Variants in DGKI observed in about 807,000 individuals in gnomAD.
DGKI encodes the protein diacylglycerol kinase iota, also known as DAG kinase iota.
DGKI carries 55 observed loss-of-function variants against 147.5 expected under a neutral mutation model. That is an observed-to-expected ratio of 0.37 (90% CI 0.30 to 0.47). The LOEUF is 0.47. Ranked by LOEUF, DGKI falls within the 20% of genes least tolerant of loss-of-function variation. The pLI is 1.00. For missense variants in DGKI, 1,007 were observed against 1,323.8 expected, an observed-to-expected ratio of 0.76 and a Z score of 3.71; for synonymous variants, 469 against 477.1, an observed-to-expected ratio of 0.98 and a Z score of 0.22.
chr7:137,399,098 A>T (rs909602884), intron 30 of DGKI, among the ~76,000 whole-genome samples: 1 of 151,030 alleles, frequency 6.6e-6, no homozygotes, highest in Non-Finnish European at 1.5e-5. Context: ...ACAGCCACCT[A>T]TCTAAATCTG....
At chr7:137,839,216 A>C (rs1281058872) in intron 1 of DGKI, among the ~76,000 whole-genome samples, 2 of 152,326 alleles carry the variant, frequency 1.3e-5, no homozygotes, top group East Asian at 3.9e-4. Context: ...ACTAAGAAGC[A>C]GCTTTCTCCC....
chr7:137,528,531 T>C (rs1367620251), intron 20 of DGKI, among the ~76,000 whole-genome samples: 1 of 152,194 alleles, frequency 6.6e-6, no homozygotes, highest in African/African-American at 2.4e-5. Flanking sequence ...TCTTTTTTGA[T>C]GGAAGTTGAG....
chr7:137,575,179 G>T (rs910746355), intron 17 of DGKI, among the ~76,000 whole-genome samples: 1 of 152,166 alleles, frequency 6.6e-6, no homozygotes, highest in Non-Finnish European at 1.5e-5. Context: ...CCTAGCAAAG[G>T]TAGACCTAAC....
chr7:137,413,421 A>C (rs975099445), intron 28 of DGKI, among the ~76,000 whole-genome samples: 1 of 152,086 alleles, frequency 6.6e-6, no homozygotes, highest in African/African-American at 2.4e-5. Flanking sequence ...GAGGTTTTTC[A>C]GCCTTTGTCC....
At chr7:137,665,420 C>G (rs1168947512) in intron 3 of DGKI, among the ~76,000 whole-genome samples, 2 of 152,202 alleles carry the variant, frequency 1.3e-5, no homozygotes, top group Non-Finnish European at 2.9e-5. Context: ...CCTTGGGCAG[C>G]TTTGCTGTTC....
At chr7:137,767,251 A>G (rs187162906) in intron 1 of DGKI, among the ~76,000 whole-genome samples, 13 of 152,338 alleles carry the variant, frequency 8.5e-5, no homozygotes, top group African/African-American at 3.1e-4. Context: ...GGAAGAAAGA[A>G]CTGAAAAATA....
intron 26 of DGKI, 148 bp downstream of exon 26, chr7:137,465,760 C>T (rs1814629527): frequency 9.1e-7 from 1 of 1,096,450 alleles, no homozygotes; most frequent in South Asian, 1.8e-5. Context: ...ATAAGACAGA[C>T]TTATAATAAC....
In DGKI at chr7:137,587,178, C is replaced by T; in HGVS notation, c.1344G>A (p.Leu448=). ...CCACAGGAGGCTGAGGGCTCAGCTG[C>T]AGTTCATCCAGGATGGAAAGGATCC... ...VGWILSILDE[L]QLSPQPPVGV... Residue 448 remains leucine, a synonymous_variant, in exon 13 of 33, where the codon CTG becomes CTA. Coordinates refer to ENST00000614521, the MANE Select transcript of DGKI (RefSeq NM_001321708.2). The T allele has an allele frequency of 6.2e-7, 1 of 1,613,094 alleles. No individual in the cohort carries two copies. The highest frequency in any genetic ancestry group is 8.5e-7 in the Non-Finnish European group (1 of 1,179,642).
chr7:137,615,796 GT>G (rs565650936), intron 8 of DGKI, among the ~76,000 whole-genome samples: 5 of 152,046 alleles, frequency 3.3e-5, no homozygotes, highest in Admixed American at 2.0e-4. Context: ...CTTCCTCGTG[GT>G]TTTTTTATGT....
chr7:137,675,683 CAA>C lies in DGKI; in HGVS notation c.606+2872_606+2873del, dbSNP rs61282606. 7.0e-3 allele frequency among the ~76,000 whole-genome samples: 752 copies of C among 107,658 alleles called. 9 individuals carry two copies. The highest frequency in any genetic ancestry group is 0.023 in the African/African-American group (694 of 30,172). The allele number at this position is 107,658 out of a possible 152,430, so 70.6% of individuals were successfully genotyped here. A position where few individuals can be genotyped will look rare whatever the true frequency, so the allele number is the denominator to read the frequency against. ...CTGGGCAGCCGAGCAAGACTACATC[CAA>C]AAAAAAAAAAAAAAAAAAAAAATCG... On this transcript the variant is annotated intron_variant, in intron 3 of 32. Transcript: ENST00000614521.
chr7:137,839,145 G>C (rs1490072041), intron 1 of DGKI, among the ~76,000 whole-genome samples: 3 of 152,068 alleles, frequency 2.0e-5, no homozygotes, highest in Non-Finnish European at 4.4e-5. Flanking sequence ...TGATTCCTCC[G>C]CACACTGACT....
In DGKI at chr7:137,386,768, G is replaced by A. The variant is rs1306355760; in HGVS notation, c.*4452C>T. 1.3e-5 allele frequency: 2 copies of A among 152,108 alleles called. No individual in the cohort carries two copies. Among genetic ancestry groups the A allele is most frequent in the East Asian group, 1.9e-4 (1 of 5,194 alleles). 9.4% of individuals were successfully genotyped at this position (152,108 alleles called of 1,614,324 possible). On this transcript the variant is annotated 3_prime_UTR_variant, in exon 33 of 33. Coordinates refer to ENST00000614521, the MANE Select transcript of DGKI (RefSeq NM_001321708.2). ...ACCTGTAGGACTTCTAATCAGCTGA[G>A]TATGAGATTCAGAGTGAAAGGAGTT... is the stretch of plus-strand genomic sequence containing the variant.
chr7:137,682,141 G>A (rs565432711), intron 2 of DGKI, among the ~76,000 whole-genome samples: 1 of 152,196 alleles, frequency 6.6e-6, no homozygotes, highest in South Asian at 2.1e-4. Flanking sequence ...CTGAAGCTGA[G>A]TGTGGTCTTG....
chr7:137,664,991 C>T (rs10276318), intron 3 of DGKI, among the ~76,000 whole-genome samples: 45 of 151,966 alleles, frequency 3.0e-4, no homozygotes, highest in Non-Finnish European at 5.3e-4. Context: ...GGATATCTGG[C>T]GGAAAAACAT....
rs1014664643 is a variant in DGKI, at chr7:137,388,902, A to G, written c.*2318T>C. ...AACACAGATTTATGTCTTCAATTGG[A>G]GCTATTTAGAAATTGGCCCATAGCC... On this transcript the variant is annotated 3_prime_UTR_variant, in exon 33 of 33. Transcript: ENST00000614521. 1.1e-4 allele frequency: 16 copies of G among 151,710 alleles called. No homozygotes were observed. The highest frequency in any genetic ancestry group is 3.9e-4 in the African/African-American group (16 of 41,262). 9.4% of individuals were successfully genotyped at this position (151,710 alleles called of 1,614,324 possible). A position where few individuals can be genotyped will look rare whatever the true frequency, so the allele number is the denominator to read the frequency against.
intron 21 of DGKI, among the ~76,000 whole-genome samples, chr7:137,521,281 C>G (rs1358445): frequency 0.092 from 14,000 of 151,996 alleles, 1,394 homozygotes; most frequent in African/African-American, 0.24. Context: ...GCTATGTATT[C>G]AAAGAAGCAT....
Position 137,493,907 on chromosome 7 carries a change from A to C in DGKI, c.2249-6218T>G, listed in dbSNP as rs575860300. On this transcript the variant is annotated intron_variant, in intron 21 of 32. Transcript: ENST00000614521. ...CATCGAGATTCAGGAGAAAGTTAACACCCAATCCAAAAATTCTAAAGAATA... is the reference window on the plus strand; with the variant it reads ...CATCGAGATTCAGGAGAAAGTTAACCCCCAATCCAAAAATTCTAAAGAATA... The C allele has an allele frequency of 2.7e-4, 168 of 613,564 alleles. 3 individuals are homozygous for C. The South Asian group carries it at 3.1e-3, about 11-fold the overall frequency. The allele number at this position is 613,564 out of a possible 1,614,324, so 38.0% of individuals were successfully genotyped here.
chr7:137,844,068 G>C (rs567607685), intron 1 of DGKI, among the ~76,000 whole-genome samples: 1 of 152,190 alleles, frequency 6.6e-6, no homozygotes, highest in Admixed American at 6.5e-5. Context: ...CCACCAAGGA[G>C]CCGACCCTCA....
intron 8 of DGKI, among the ~76,000 whole-genome samples, chr7:137,618,127 C>CCATATATA (rs1416867213): frequency 6.2e-5 from 1 of 16,194 alleles, no homozygotes; most frequent in Non-Finnish European, 3.1e-4. Context: ...TTCTAAAATA[C>CCATATATA]TATATATATA....
Sources: gnomAD v4.1 joint callset for allele counts (sites outside exome capture counted in the v4.1 genomes callset) on GRCh38, gnomAD v4.1.1 for gene constraint, MANE v1.5 for transcripts, NCBI Gene and HGNC (gene_info 2026-07-23, HGNC 2026-07-21) for gene names.